Variants in AMMECR1 observed in about 807,000 individuals in gnomAD.
AMMECR1 encodes the protein AMMECR nuclear protein 1.
In AMMECR1, 3 loss-of-function variants were observed where a neutral mutation model predicts 22.5. The observed-to-expected ratio is 0.13, with a 90% CI of 0.06 to 0.35. The LOEUF (loss-of-function observed/expected upper bound fraction) is 0.35, where lower values mean the gene tolerates loss of function less well. Ranked by LOEUF, AMMECR1 falls within the 10% of genes least tolerant of loss-of-function variation. The pLI is 1.00. For missense variants in AMMECR1, 235 were observed against 278.7 expected (o/e 0.84, Z 1.12); for synonymous variants, 130 against 116.7 (o/e 1.11, Z -0.74).
chrX:110,236,533 T>TA (rs1346130148), intron 2 of AMMECR1, among the ~76,000 whole-genome samples: 1 of 112,314 alleles, frequency 8.9e-6, no homozygotes, highest in African/African-American at 3.2e-5. Context: ...TTGGACTCTT[T>TA]ATCCCCATGT....
intron 1 of AMMECR1, among the ~76,000 whole-genome samples, chrX:110,265,018 G>T (rs1424073771): frequency 9.0e-6 from 1 of 111,068 alleles, no homozygotes; most frequent in African/African-American, 3.3e-5. Context: ...TCAAATTACT[G>T]ACTTATTTGT....
intron 2 of AMMECR1, among the ~76,000 whole-genome samples, chrX:110,261,748 T>C (rs1320582961): frequency 9.0e-6 from 1 of 111,525 alleles, no homozygotes; most frequent in East Asian, 2.8e-4. Flanking sequence ...TGATCTATGA[T>C]TTATAAAATT....
At chrX:110,369,751 T>G (rs1195210917) in intron 2 of AMMECR1, among the ~76,000 whole-genome samples, 1 of 112,286 alleles carries the variant, frequency 8.9e-6, no homozygotes, top group African/African-American at 3.2e-5. Flanking sequence ...ATAATTCATT[T>G]TTAAACTGTA....
At chrX:110,219,426 A>G in intron 2 of AMMECR1, 1 of 752,802 alleles carries the variant, frequency 1.3e-6, no homozygotes, top group Non-Finnish European at 1.6e-6. Flanking sequence ...TAATTTCTCA[A>G]TACTTTGAGG....
intron 2 of AMMECR1, among the ~76,000 whole-genome samples, chrX:110,352,473 A>C (rs745894963): frequency 8.9e-4 from 100 of 112,548 alleles, no homozygotes; most frequent in Non-Finnish European, 1.4e-3. Context: ...GAGTCTATGC[A>C]TAAGAAATGT....
chrX:110,421,731 A>T (rs1211738902), intron 2 of AMMECR1, among the ~76,000 whole-genome samples: 2 of 112,734 alleles, frequency 1.8e-5, no homozygotes, highest in African/African-American at 6.5e-5. Flanking sequence ...TTATGGCATA[A>T]GGCCATTAAA....
At chrX:110,200,237 A>G (rs1024716226) in intron 5 of AMMECR1, among the ~76,000 whole-genome samples, 1 of 111,310 alleles carries the variant, frequency 9.0e-6, no homozygotes, top group African/African-American at 3.3e-5. Context: ...AATGGATCTC[A>G]TATTATCCAT....
chrX:110,333,476 A>C (rs1429522849), intron 2 of AMMECR1, among the ~76,000 whole-genome samples: 1 of 111,640 alleles, frequency 9.0e-6, no homozygotes, highest in African/African-American at 3.3e-5. Context: ...CAATCCCATT[A>C]CTGGGTATAT....
intron 2 of AMMECR1, among the ~76,000 whole-genome samples, chrX:110,260,378 C>T (rs994184254): frequency 8.1e-5 from 9 of 111,063 alleles, no homozygotes; most frequent in Non-Finnish European, 1.7e-4. Flanking sequence ...GAACATATGA[C>T]TTGACTTTGA....
intron 2 of AMMECR1, among the ~76,000 whole-genome samples, chrX:110,416,694 A>G (rs1481035065): frequency 2.7e-5 from 3 of 112,134 alleles, no homozygotes; most frequent in Admixed American, 9.4e-5. Flanking sequence ...TACTTTTTAA[A>G]GTATTTTCCA....
intron 1 of AMMECR1, among the ~76,000 whole-genome samples, chrX:110,302,084 A>T (rs1209404048): frequency 2.7e-5 from 3 of 111,781 alleles, no homozygotes. Context: ...TAACCAGGTC[A>T]GTCTCTAACT....
chrX:110,352,247 T>C (rs1345075219), intron 2 of AMMECR1, among the ~76,000 whole-genome samples: 1 of 111,976 alleles, frequency 8.9e-6, no homozygotes, highest in Non-Finnish European at 1.9e-5. Flanking sequence ...AAAATACATG[T>C]TCACACAAAA....
At position 110,342,528 on chromosome X, in the gene AMMECR1, C is replaced by G. The variant is rs577900398; in HGVS notation, c.-147-24679G>C. ...CTGGGATTACAGGCACACGCCACCA[C>G]GCCTGGCTAATTTTTGTATTTTTAG... On this transcript the variant is annotated intron_variant, in intron 2 of 7. Coordinates refer to the AMMECR1 transcript ENST00000372057. 9.5e-4 allele frequency among the ~76,000 whole-genome samples: 105 copies of G among 110,887 alleles called. 1 individual carries two copies. Among genetic ancestry groups the G allele is most frequent in the South Asian group, 5.5e-3 (14 of 2,549 alleles).
At chrX:110,295,326 G>A (rs2067929937) in intron 1 of AMMECR1, among the ~76,000 whole-genome samples, 1 of 111,334 alleles carries the variant, frequency 9.0e-6, no homozygotes, top group South Asian at 3.8e-4. Context: ...GAGGAGAGTA[G>A]AGGGATATGT....
rs188012821 is a variant in AMMECR1 at position 110,362,754 on chromosome X, T to G, written c.-147-44905A>C. Reference sequence around the variant, plus strand: ...AGGCACTAAAGATATCCTGTAGTTATATGACTTCCTATTGAAAATGCACTT... The same window carrying G: ...AGGCACTAAAGATATCCTGTAGTTAGATGACTTCCTATTGAAAATGCACTT... On this transcript the variant is annotated intron_variant, in intron 2 of 7. Transcript: ENST00000372057. Among the ~76,000 whole-genome samples, 27 of 112,282 alleles carry G rather than the reference T, an allele frequency of 2.4e-4. No individual in the cohort carries two copies. In the East Asian group the frequency reaches 7.2e-3, roughly 30 times the overall value.
At chrX:110,394,379 G>A (rs1333486377) in intron 2 of AMMECR1, among the ~76,000 whole-genome samples, 1 of 111,338 alleles carries the variant, frequency 9.0e-6, no homozygotes, top group Non-Finnish European at 1.9e-5. Context: ...AGCCTCCTGA[G>A]TAGCTGTGAC....
intron 2 of AMMECR1, among the ~76,000 whole-genome samples, chrX:110,402,536 G>A (rs1181694996): frequency 8.9e-6 from 1 of 112,761 alleles, no homozygotes; most frequent in African/African-American, 3.2e-5. Flanking sequence ...TCAGCTGACT[G>A]AGAGCTGTGT....
intron 2 of AMMECR1, among the ~76,000 whole-genome samples, chrX:110,391,649 C>T (rs2068494324): frequency 8.9e-6 from 1 of 112,022 alleles, no homozygotes; most frequent in South Asian, 3.7e-4. Context: ...CTTTAAACTT[C>T]TGGTGTATTC....
chrX:110,320,718 C>T (rs2068075598), upstream of AMMECR1, among the ~76,000 whole-genome samples: 2 of 112,585 alleles, frequency 1.8e-5, no homozygotes, highest in Admixed American at 1.9e-4. Flanking sequence ...GACACCCCAG[C>T]TGAATTACAA....
Sources: gnomAD v4.1 joint callset for allele counts (sites outside exome capture counted in the v4.1 genomes callset) on GRCh38, gnomAD v4.1.1 for gene constraint, MANE v1.5 for transcripts, NCBI Gene and HGNC (gene_info 2026-07-23, HGNC 2026-07-21) for gene names.